CATSPERE: variants seen among roughly 807,000 people sequenced by gnomAD.
The protein encoded by CATSPERE is cation channel sperm-associated auxiliary subunit epsilon.
A neutral mutation model predicts 114.1 loss-of-function variants in CATSPERE; 93 were observed. The ratio of observed to expected loss-of-function variants is 0.81; its 90% CI spans 0.69 to 0.97. The LOEUF (loss-of-function observed/expected upper bound fraction) is 0.97. CATSPERE is among the 50% of genes least tolerant of loss of function. The pLI, the probability that CATSPERE is intolerant of heterozygous loss-of-function variation, is 0.00. For synonymous variants in CATSPERE, 341 were observed against 384.1 expected, an observed-to-expected ratio of 0.89 and a Z score of 1.31; for missense variants, 1,058 against 1,131.6, an observed-to-expected ratio of 0.93 and a Z score of 0.93.
chr1:244,577,422 T>G (rs1189950894), intron 11 of CATSPERE, among the ~76,000 whole-genome samples: 1 of 152,224 alleles, frequency 6.6e-6, no homozygotes, highest in African/African-American at 2.4e-5. Context: ...AGAAACTGTT[T>G]GAAATCTATC....
chr1:244,628,534 G>C (rs1673493144), intron 20 of CATSPERE, among the ~76,000 whole-genome samples: 1 of 152,056 alleles, frequency 6.6e-6, no homozygotes, highest in Non-Finnish European at 1.5e-5. Flanking sequence ...AGATCTACTA[G>C]TCTCATTCTA....
chr1:244,602,673 C>T (rs1339657596), intron 17 of CATSPERE, among the ~76,000 whole-genome samples: 1 of 152,174 alleles, frequency 6.6e-6, no homozygotes, highest in Non-Finnish European at 1.5e-5. Flanking sequence ...CTATCACGCT[C>T]CAATCCCAAA....
intron 20 of CATSPERE, among the ~76,000 whole-genome samples, chr1:244,624,183 G>A (rs1558616718): frequency 7.2e-6 from 1 of 139,010 alleles, no homozygotes; most frequent in African/African-American, 2.7e-5. Flanking sequence ...GTGTTAGCCA[G>A]GATGGTCTCA....
At chr1:244,587,446 G>A (rs1220068737) in intron 13 of CATSPERE, among the ~76,000 whole-genome samples, 1 of 152,200 alleles carries the variant, frequency 6.6e-6, no homozygotes, top group Non-Finnish European at 1.5e-5. Context: ...TCATGGAACA[G>A]CCTGGCTATA....
intron 10 of CATSPERE, among the ~76,000 whole-genome samples, chr1:244,562,517 C>G (rs1224719534): frequency 1.3e-5 from 2 of 152,118 alleles, no homozygotes; most frequent in Non-Finnish European, 2.9e-5. Context: ...CACTTACCCA[C>G]CAGCAAAGTT....
intron 13 of CATSPERE, among the ~76,000 whole-genome samples, chr1:244,585,241 T>C (rs924050379): frequency 3.3e-5 from 5 of 152,194 alleles, no homozygotes; most frequent in Non-Finnish European, 2.9e-5. Flanking sequence ...ATCTATCTTA[T>C]GGGGTTGTTG....
At chr1:244,628,817 T>C (rs1363705935) in intron 20 of CATSPERE, among the ~76,000 whole-genome samples, 1 of 152,220 alleles carries the variant, frequency 6.6e-6, no homozygotes, top group African/African-American at 2.4e-5. Context: ...ATCTTTCTCA[T>C]ATTTTTTTCA....
intron 9 of CATSPERE, among the ~76,000 whole-genome samples, chr1:244,554,457 G>A (rs1225115639): frequency 6.6e-6 from 1 of 152,154 alleles, no homozygotes; most frequent in African/African-American, 2.4e-5. Flanking sequence ...TTGAGCCTAG[G>A]CGTTAGAGAC....
rs140910063 is a variant in CATSPERE, at chr1:244,480,669, G to A, written c.326+885G>A. On this transcript the variant is annotated intron_variant, in intron 5 of 21. Coordinates refer to ENST00000366534, the MANE Select transcript of CATSPERE (RefSeq NM_001130957.2). ...TAGTTTTATTGTCCTGGTCCACGTA[G>A]TCCCTTAAAGTCAGATGGTTCTGCA... Among the ~76,000 whole-genome samples, 7 of 57,848 alleles carry A rather than the reference G, an allele frequency of 1.2e-4. No homozygotes were observed. The East Asian group carries it at 0.014, about 112-fold the overall frequency. 38.0% of individuals were successfully genotyped at this position (57,848 alleles called of 152,430 possible). A position where few individuals can be genotyped will look rare whatever the true frequency, so the allele number is the denominator to read the frequency against.
chr1:244,463,251 A>C (rs1178029402), intron 1 of CATSPERE, among the ~76,000 whole-genome samples: 1 of 152,176 alleles, frequency 6.6e-6, no homozygotes, highest in Non-Finnish European at 1.5e-5. Flanking sequence ...TAAAGTAGCT[A>C]CTTGAACATT....
chr1:244,536,325 G>A (rs1287197523), intron 8 of CATSPERE, among the ~76,000 whole-genome samples: 1 of 152,084 alleles, frequency 6.6e-6, no homozygotes, highest in Non-Finnish European at 1.5e-5. Flanking sequence ...TACAGCACTA[G>A]ATCTTGCCTA....
intron 11 of CATSPERE, among the ~76,000 whole-genome samples, chr1:244,581,058 C>T (rs1407024898): frequency 6.6e-6 from 1 of 151,934 alleles, no homozygotes; most frequent in African/African-American, 2.4e-5. Flanking sequence ...AGTTTCACAA[C>T]CTACATATGC....
chr1:244,595,039 G>A (rs572190630), intron 17 of CATSPERE, among the ~76,000 whole-genome samples: 4 of 152,188 alleles, frequency 2.6e-5, no homozygotes, highest in East Asian at 1.9e-4. Flanking sequence ...TTGTGTTTTC[G>A]TGTTTGTTTA....
upstream of CATSPERE, among the ~76,000 whole-genome samples, chr1:244,459,739 C>T (rs982133552): frequency 6.6e-6 from 1 of 152,320 alleles, no homozygotes; most frequent in Non-Finnish European, 1.5e-5. Context: ...GGGAATTGTA[C>T]TCCTCAAACT....
chr1:244,602,041 C>T (rs535569903), intron 17 of CATSPERE, among the ~76,000 whole-genome samples: 2 of 151,076 alleles, frequency 1.3e-5, no homozygotes, highest in South Asian at 4.2e-4. Context: ...CTGGAAATCT[C>T]TATGAGGTCA....
intron 9 of CATSPERE, among the ~76,000 whole-genome samples, chr1:244,559,035 T>G (rs967205966): frequency 2.0e-5 from 3 of 152,336 alleles, no homozygotes; most frequent in Admixed American, 2.0e-4. Flanking sequence ...CAAAAGGATC[T>G]CTCACCTCAC....
chr1:244,455,343 GAAAAA>G (rs942353648), intron 1 of CATSPERE, among the ~76,000 whole-genome samples: 1 of 150,846 alleles, frequency 6.6e-6, no homozygotes, highest in African/African-American at 2.4e-5. Context: ...ACATCTTGTA[GAAAAA>G]AAAACTGCTT....
intron 20 of CATSPERE, among the ~76,000 whole-genome samples, chr1:244,619,782 T>TA (rs1671855943): frequency 6.6e-6 from 1 of 152,108 alleles, no homozygotes; most frequent in Non-Finnish European, 1.5e-5. Flanking sequence ...AAATGGGATT[T>TA]AAAAAATGAC....
At chr1:244,490,996 A>G (rs2148227488) in intron 6 of CATSPERE, among the ~76,000 whole-genome samples, 1 of 152,288 alleles carries the variant, frequency 6.6e-6, no homozygotes, top group South Asian at 2.1e-4. Flanking sequence ...AATTTTTAAA[A>G]GTATGAAGGG....
Sources: gnomAD v4.1 joint callset for allele counts (sites outside exome capture counted in the v4.1 genomes callset) on GRCh38, gnomAD v4.1.1 for gene constraint, MANE v1.5 for transcripts, NCBI Gene and HGNC (gene_info 2026-07-23, HGNC 2026-07-21) for gene names.